Variants in POLR3H observed in about 807,000 individuals in gnomAD.
POLR3H encodes the protein DNA-directed RNA polymerase III subunit RPC8.
POLR3H carries 17 observed loss-of-function variants against 25.5 expected under a neutral mutation model. The observed-to-expected ratio is 0.67, with a 90% confidence interval of 0.46 to 1.00. POLR3H has a LOEUF of 1.00. Ranked by LOEUF, POLR3H falls within the 50% of genes least tolerant of loss-of-function variation. The pLI, the probability that POLR3H is intolerant of heterozygous loss-of-function variation, is 0.00. For synonymous variants in POLR3H, 129 were observed against 103.0 expected (o/e 1.25, Z -1.53); for missense variants, 274 against 265.0 (o/e 1.03, Z -0.24).
chr22:41,529,827 C>T (rs1254713380), intron 5 of POLR3H: 2 of 398,132 alleles, frequency 5.0e-6, no homozygotes, highest in Non-Finnish European at 5.0e-6. Flanking sequence ...ACGATCTTGG[C>T]TCACTGCAAC....
Position 41,530,706 on chromosome 22 carries a change from T to A in POLR3H, c.542A>T (p.Glu181Val), listed in dbSNP as rs772639191. Residue 181 changes from glutamate to valine, a missense_variant, in exon 5 of 6, where the codon GAG (glutamate) becomes GTG (valine). Physicochemically the swap from Glu to Val is moderately radical, Grantham distance 121. Transcript: ENST00000355209. ...ACTCACCACAAGCGTGTACGGAGCC[T>A]CCTTCTTTGGCAGCTCCTCACTGGA... ...TTSSEELPKK[E>V]APYTLVGSIS... The A allele has an allele frequency of 6.2e-7, 1 of 1,613,388 alleles. No homozygotes were observed. Among genetic ancestry groups the A allele is most frequent in the Non-Finnish European group, 8.5e-7 (1 of 1,180,000 alleles).
Position 41,528,937 on chromosome 22 carries a change from C to G in POLR3H, c.*346G>C, listed in dbSNP as rs1053566320. 1 of 510,964 alleles carries G rather than the reference C, an allele frequency of 2.0e-6. No individual in the cohort carries two copies. The highest frequency in any genetic ancestry group is 3.5e-6 in the Non-Finnish European group (1 of 289,288). 31.7% of individuals were successfully genotyped at this position (510,964 alleles called of 1,614,324 possible). On this transcript the variant is annotated 3_prime_UTR_variant, in exon 6 of 6. Transcript: ENST00000355209. ...TTGGTGGCTGAAGGATTCTAGAGAA[C>G]CTTTTGTTCTTGCAAGGAAAACAAG... is the stretch of plus-strand genomic sequence containing the variant.
At chr22:41,533,071 T>G (rs1180037559) in intron 2 of POLR3H, among the ~76,000 whole-genome samples, 2 of 152,016 alleles carry the variant, frequency 1.3e-5, no homozygotes, top group African/African-American at 4.8e-5. Context: ...AAGCAACTGG[T>G]AAAGAACGCA....
rs1172033809 is a variant in POLR3H at position 41,526,485 on chromosome 22, G to C, written c.*2798C>G. ...CAGAGTTGATAGGGGCAATGCCAGT[G>C]GTCACTCCTGAAGGGGCCTGCAAGG... On this transcript the variant is annotated 3_prime_UTR_variant, in exon 6 of 6. Coordinates refer to ENST00000355209, the MANE Select transcript of POLR3H (RefSeq NM_001018050.4). 1.9e-6 allele frequency: 3 copies of C among 1,571,640 alleles called. 1 individual carries two copies. The highest frequency in any genetic ancestry group is 2.3e-5 in the South Asian group (2 of 87,894).
Position 41,528,358 on chromosome 22 carries a change from G to T in POLR3H, c.*925C>A. On this transcript the variant is annotated 3_prime_UTR_variant, in exon 6 of 6. Transcript: ENST00000355209. ...GGCCATCAGGCACAGACTGGCCTAG[G>T]ATTTGGTTTGCCTGCTGACCTCTTA... is the stretch of plus-strand genomic sequence containing the variant. 7.1e-7 allele frequency: 1 copy of T among 1,402,620 alleles called. No homozygotes were observed. The highest frequency in any genetic ancestry group is 1.4e-5 in the South Asian group (1 of 72,526). 86.9% of individuals were successfully genotyped at this position (1,402,620 alleles called of 1,614,324 possible). A position where few individuals can be genotyped will look rare whatever the true frequency, so the allele number is the denominator to read the frequency against.
intron 2 of POLR3H, chr22:41,533,628 GA>G: frequency 7.7e-7 from 1 of 1,303,720 alleles, no homozygotes; most frequent in South Asian, 1.2e-5. Context: ...TGCCCCCCAG[GA>G]CGGCAGGGAC....
At chr22:41,532,613 C>G in intron 3 of POLR3H, 46 bp downstream of exon 3, 3 of 1,613,770 alleles carry the variant, frequency 1.9e-6, no homozygotes, top group Non-Finnish European at 1.7e-6. Context: ...CCTCCTGCCC[C>G]CACAGTGTTC....
Position 41,528,665 on chromosome 22 carries a change from C to T in POLR3H, c.*618G>A. ...GGCGTCAAGTTCAGCTCCACGTGTG[C>T]CATCAGTGGATCCGATCCGTCCAGC... is the stretch of plus-strand genomic sequence containing the variant. On this transcript the variant is annotated 3_prime_UTR_variant, in exon 6 of 6. Coordinates refer to ENST00000355209, the MANE Select transcript of POLR3H (RefSeq NM_001018050.4). 3 of 1,598,978 alleles carry T rather than the reference C, an allele frequency of 1.9e-6. No homozygotes were observed. The highest frequency in any genetic ancestry group is 2.2e-5 in the East Asian group (1 of 44,740).
intron 3 of POLR3H, 24 bp from the exon 4 acceptor site, chr22:41,532,181 G>A (rs374603439): frequency 1.4e-5 from 23 of 1,610,696 alleles, no homozygotes; most frequent in East Asian, 4.5e-5. Context: ...AGCAGGTGAC[G>A]GCCTGAGATG....
At chr22:41,543,870 C>A (rs2066972592) in intron 1 of POLR3H, 121 bp downstream of exon 1, 1 of 740,224 alleles carries the variant, frequency 1.4e-6, no homozygotes, top group African/African-American at 1.7e-5. Flanking sequence ...AAGAAAAGTT[C>A]TGAGACATTA....
chr22:41,527,469 C>G lies in POLR3H; in HGVS notation c.*1814G>C, dbSNP rs1390950747. On this transcript the variant is annotated 3_prime_UTR_variant, in exon 6 of 6. Coordinates refer to ENST00000355209, the MANE Select transcript of POLR3H (RefSeq NM_001018050.4). ...CCATCCTCATCCCATCCCTAGTGAT[C>G]AAGGTCACTCTCCCTGCCCGTGGCT... The G allele has an allele frequency of 6.4e-7, 1 of 1,563,026 alleles. No individual in the cohort carries two copies. The highest frequency in any genetic ancestry group is 2.3e-5 in the East Asian group (1 of 44,444).
chr22:41,525,978 A>G lies in POLR3H; in HGVS notation c.*3305T>C. On this transcript the variant is annotated 3_prime_UTR_variant, in exon 6 of 6. Transcript: ENST00000355209. ...TGGCTGATCTTGCAGCTGAGGCCTG[A>G]AGGGTGAGCGAACATTGACCTGTCC... 2.8e-6 allele frequency: 1 copy of G among 361,862 alleles called. No individual in the cohort carries two copies. Among genetic ancestry groups the G allele is most frequent in the Non-Finnish European group, 5.1e-6 (1 of 197,980 alleles). The allele number at this position is 361,862 out of a possible 1,614,324, so 22.4% of individuals were successfully genotyped here. A position where few individuals can be genotyped will look rare whatever the true frequency, so the allele number is the denominator to read the frequency against.
intron 4 of POLR3H, among the ~76,000 whole-genome samples, chr22:41,531,556 C>G (rs1264620417): frequency 1.3e-5 from 2 of 152,230 alleles, no homozygotes; most frequent in Non-Finnish European, 2.9e-5. Flanking sequence ...ACCGTGGGTA[C>G]AGCTGTGACA....
chr22:41,544,448 CAGCCGCT>C lies in POLR3H; in HGVS notation c.-354_-348del, dbSNP rs1051019927. Reference sequence around the variant, plus strand: ...CGCACCACGCACCACGCACCGCGCACAGCCGCTCGCGCTTGCGCGACTGCGGGCGAGA... The same window carrying C: ...CGCACCACGCACCACGCACCGCGCACCGCGCTTGCGCGACTGCGGGCGAGA... On this transcript the variant is annotated 5_prime_UTR_variant, in exon 1 of 6. Transcript: ENST00000355209. 1.1e-5 allele frequency: 2 copies of C among 188,764 alleles called. No homozygotes were observed. Among genetic ancestry groups the C allele is most frequent in the South Asian group, 1.7e-4 (1 of 6,054 alleles). 11.7% of individuals were successfully genotyped at this position (188,764 alleles called of 1,614,324 possible).
At chr22:41,537,990 C>T (rs951878626) in intron 2 of POLR3H, among the ~76,000 whole-genome samples, 4 of 145,236 alleles carry the variant, frequency 2.8e-5, no homozygotes, top group African/African-American at 1.0e-4. Flanking sequence ...TTTTGAGATA[C>T]AGTCTCACCC....
At chr22:41,540,863 G>T in intron 1 of POLR3H, 68 bp from the exon 2 acceptor site, 1 of 1,203,042 alleles carries the variant, frequency 8.3e-7, no homozygotes, top group Non-Finnish European at 1.2e-6. Context: ...CCAGCTCCCA[G>T]GCAATCTGAG....
chr22:41,529,564 G>A (rs932050393), intron 5 of POLR3H: 5 of 692,398 alleles, frequency 7.2e-6, no homozygotes, highest in African/African-American at 5.3e-5. Flanking sequence ...ATAGGGTCAG[G>A]GACCCTTCCT....
At chr22:41,538,132 A>ATT (rs71184815) in intron 2 of POLR3H, among the ~76,000 whole-genome samples, 14 of 129,254 alleles carry the variant, frequency 1.1e-4, no homozygotes, top group Non-Finnish European at 1.7e-4. Context: ...CACCCAAATA[A>ATT]TTTTTTTTTT....
chr22:41,530,084 C>T (rs2066697129), intron 5 of POLR3H, among the ~76,000 whole-genome samples: 1 of 151,730 alleles, frequency 6.6e-6, no homozygotes, highest in East Asian at 1.9e-4. Context: ...GGGCTTTGAT[C>T]TCTCCCAAGC....
Sources: allele counts gnomAD v4.1 joint callset (sites outside exome capture counted in the v4.1 genomes callset), GRCh38; gene constraint gnomAD v4.1.1; transcripts MANE v1.5; gene names NCBI Gene and HGNC (gene_info 2026-07-23, HGNC 2026-07-21).